TMEM74: variants seen among roughly 807,000 people sequenced by gnomAD.
TMEM74 encodes transmembrane protein 74.
Under a neutral mutation model 18.1 loss-of-function variants are expected in TMEM74, and 13 were observed. That is an observed-to-expected ratio of 0.72 (90% CI 0.47 to 1.14). TMEM74 has a LOEUF of 1.14. Among genes scored for constraint, TMEM74 ranks in the 50% most tolerant of loss-of-function variants. The pLI is 0.00. For synonymous variants in TMEM74, 159 were observed against 146.6 expected (o/e 1.08, Z -0.61); for missense variants, 372 against 375.9 (o/e 0.99, Z 0.09).
chr8:108,757,086 G>A (rs1412972234), intron 1 of TMEM74, among the ~76,000 whole-genome samples: 1 of 152,066 alleles, frequency 6.6e-6, no homozygotes, highest in Non-Finnish European at 1.5e-5. Context: ...ACCCAAAGGA[G>A]AAATAAGATA....
chr8:108,697,103 T>C (rs1813288157), intron 1 of TMEM74, among the ~76,000 whole-genome samples: 1 of 152,202 alleles, frequency 6.6e-6, no homozygotes, highest in African/African-American at 2.4e-5. Flanking sequence ...GGAACTGGAT[T>C]AGAATGGGAA....
At chr8:108,771,452 A>G (rs1814169794) in intron 1 of TMEM74, among the ~76,000 whole-genome samples, 1 of 152,182 alleles carries the variant, frequency 6.6e-6, no homozygotes, top group South Asian at 2.1e-4. Context: ...AATACAAAAA[A>G]ATTATCAATA....
chr8:108,702,335 A>G (rs1228094245), intron 1 of TMEM74, among the ~76,000 whole-genome samples: 1 of 130,320 alleles, frequency 7.7e-6, no homozygotes, highest in Non-Finnish European at 1.6e-5. Context: ...ACGGTGTGAG[A>G]CTCCATCTAA....
intron 2 of TMEM74, among the ~76,000 whole-genome samples, chr8:108,619,901 T>A (rs748062417): frequency 2.6e-5 from 4 of 151,648 alleles, no homozygotes; most frequent in African/African-American, 4.8e-5. Context: ...AGGAGGAGAG[T>A]CTATGTTGGA....
chr8:108,697,129 G>A (rs139901373), intron 1 of TMEM74, among the ~76,000 whole-genome samples: 22 of 152,220 alleles, frequency 1.4e-4, no homozygotes, highest in African/African-American at 5.1e-4. Context: ...ACCAGGCCAC[G>A]GTGATCTTCT....
At chr8:108,633,841 G>A (rs1207571746) in intron 2 of TMEM74, among the ~76,000 whole-genome samples, 1 of 151,886 alleles carries the variant, frequency 6.6e-6, no homozygotes, top group Non-Finnish European at 1.5e-5. Context: ...AACCTCTTTT[G>A]CTTGCCATGT....
In TMEM74 at chr8:108,751,740, A is replaced by C. The variant is rs7016699; in HGVS notation, n.119+35736T>G. Among the ~76,000 whole-genome samples, 465 of 152,204 alleles carry C rather than the reference A, an allele frequency of 3.1e-3. 1 individual carries two copies. The highest frequency in any genetic ancestry group is 0.011 in the African/African-American group (442 of 41,580). On this transcript the variant is annotated intron_variant and non_coding_transcript_variant, in intron 1 of 3. Transcript: ENST00000518838. ...ATTAACAATGACAAAAAATCCAAAC[A>C]AACCTACCTAGACTAAAGGGAATAA...
chr8:108,647,831 G>T (rs779604996), intron 2 of TMEM74, among the ~76,000 whole-genome samples: 9 of 152,076 alleles, frequency 5.9e-5, no homozygotes, highest in Admixed American at 1.3e-4. Flanking sequence ...TATATTAGGG[G>T]TAAGTACTTA....
intron 1 of TMEM74, among the ~76,000 whole-genome samples, chr8:108,657,826 G>T (rs1812849759): frequency 9.0e-6 from 1 of 110,704 alleles, no homozygotes. Flanking sequence ...CTGGGTGACA[G>T]AGTGAGACAC....
intron 1 of TMEM74, among the ~76,000 whole-genome samples, 151 bp downstream of exon 1, chr8:108,787,325 G>GC (rs1814403124): frequency 6.6e-6 from 1 of 152,142 alleles, no homozygotes; most frequent in South Asian, 2.1e-4. Flanking sequence ...TGAACTCTGC[G>GC]CCCACTGAGG....
intron 2 of TMEM74, among the ~76,000 whole-genome samples, chr8:108,626,336 T>C (rs1189943400): frequency 3.9e-5 from 6 of 152,108 alleles, no homozygotes; most frequent in Admixed American, 2.0e-4. Context: ...AATTTTATGA[T>C]ATTATGCACC....
intron 1 of TMEM74, among the ~76,000 whole-genome samples, chr8:108,678,891 C>G (rs537758887): frequency 7.0e-4 from 95 of 135,724 alleles, no homozygotes; most frequent in African/African-American, 2.5e-3. Flanking sequence ...ATGCCATCCT[C>G]CCCCCCTCCC....
chr8:108,695,147 C>A (rs1307390854), intron 1 of TMEM74, among the ~76,000 whole-genome samples: 1 of 151,402 alleles, frequency 6.6e-6, no homozygotes, highest in Non-Finnish European at 1.5e-5. Context: ...GCTGCAACAG[C>A]AACAGTGCTT....
chr8:108,768,576 T>C (rs749135242), intron 1 of TMEM74, among the ~76,000 whole-genome samples: 1 of 152,204 alleles, frequency 6.6e-6, no homozygotes, highest in Non-Finnish European at 1.5e-5. Flanking sequence ...GCTCCTCCTG[T>C]AACCCAAGTG....
intron 1 of TMEM74, among the ~76,000 whole-genome samples, chr8:108,747,930 A>G (rs1813866316): frequency 6.6e-6 from 1 of 152,148 alleles, no homozygotes. Context: ...TCAATGATGT[A>G]TATGTACCAT....
downstream of TMEM74, among the ~76,000 whole-genome samples, chr8:108,774,321 A>C (rs1469185562): frequency 6.6e-6 from 1 of 152,124 alleles, no homozygotes; most frequent in Non-Finnish European, 1.5e-5. Context: ...CCTTCCACAA[A>C]ATCTCCAATG....
At chr8:108,681,186 C>G (rs10102527) in intron 1 of TMEM74, among the ~76,000 whole-genome samples, 27,044 of 151,928 alleles carry the variant, frequency 0.18, 2,905 homozygotes, top group East Asian at 0.42. Context: ...CATATGGAAC[C>G]AAAAAAGAGC....
chr8:108,675,163 G>A (rs1275426384), intron 1 of TMEM74, among the ~76,000 whole-genome samples: 1 of 152,138 alleles, frequency 6.6e-6, no homozygotes, highest in Non-Finnish European at 1.5e-5. Context: ...TGCCCACTGT[G>A]GCAGCTGGCT....
chr8:108,687,582 T>C (rs1172273591), intron 1 of TMEM74, among the ~76,000 whole-genome samples: 2 of 152,178 alleles, frequency 1.3e-5, no homozygotes, highest in South Asian at 2.1e-4. Context: ...CTCACCATAA[T>C]GTAGAATCAG....
Sources: allele counts gnomAD v4.1 joint callset (sites outside exome capture counted in the v4.1 genomes callset), GRCh38; gene constraint gnomAD v4.1.1; transcripts MANE v1.5; gene names NCBI Gene and HGNC (gene_info 2026-07-23, HGNC 2026-07-21).